DIS3L2: variants seen among roughly 807,000 people sequenced by gnomAD.
DIS3L2 encodes DIS3-like exonuclease 2.
A neutral mutation model predicts 97.5 loss-of-function variants in DIS3L2; 34 were observed. The ratio of observed to expected loss-of-function variants is 0.35; its 90% CI spans 0.27 to 0.46. The LOEUF (loss-of-function observed/expected upper bound fraction) is 0.46, where lower values mean the gene tolerates loss of function less well. Among genes scored for constraint, DIS3L2 ranks in the 20% least tolerant of loss-of-function variants. The pLI, the probability that DIS3L2 is intolerant of heterozygous loss-of-function variation, is 1.00. For synonymous variants in DIS3L2, 435 were observed against 445.2 expected (o/e 0.98, Z 0.29); for missense variants, 1,038 against 1,146.0 (o/e 0.91, Z 1.36).
chr2:232,220,204 G>A (rs1692454929), intron 10 of DIS3L2, among the ~76,000 whole-genome samples: 1 of 152,124 alleles, frequency 6.6e-6, no homozygotes, highest in Admixed American at 6.6e-5. Flanking sequence ...AGCCACGTGG[G>A]AGGCTGAGGT....
At chr2:232,226,634 C>A (rs1692656817) in intron 10 of DIS3L2, among the ~76,000 whole-genome samples, 1 of 152,180 alleles carries the variant, frequency 6.6e-6, no homozygotes, top group Admixed American at 6.5e-5. Flanking sequence ...GACAGGACAT[C>A]TTTCCCCTAC....
downstream of DIS3L2, among the ~76,000 whole-genome samples, chr2:232,338,767 C>T (rs1696044268): frequency 6.6e-6 from 1 of 152,248 alleles, no homozygotes; most frequent in Non-Finnish European, 1.5e-5. Flanking sequence ...GATGGCTCTC[C>T]ATGGGTCCAC....
intron 13 of DIS3L2, among the ~76,000 whole-genome samples, chr2:232,263,749 AGGCT>A (rs1290263135): frequency 3.3e-5 from 5 of 152,162 alleles, no homozygotes; most frequent in Non-Finnish European, 2.9e-5. Flanking sequence ...TTCCCTGGTA[AGGCT>A]GTGTCCAGTC....
At chr2:232,321,710 T>C (rs1156618849) in intron 14 of DIS3L2, among the ~76,000 whole-genome samples, 1 of 152,108 alleles carries the variant, frequency 6.6e-6, no homozygotes, top group Non-Finnish European at 1.5e-5. Flanking sequence ...GGGGCAGCCT[T>C]ATCAGGGAGG....
At position 232,263,193 on chromosome 2, in the gene DIS3L2, G is replaced by C. The variant is rs760782170; in HGVS notation, c.1426-14G>C. ...TGTCCTCACAATTCCCTTGTAATCTGTCCATCTTTGCAGATCCTTGATGAA... is the reference window on the plus strand; with the variant it reads ...TGTCCTCACAATTCCCTTGTAATCTCTCCATCTTTGCAGATCCTTGATGAA... On this transcript the variant is annotated splice_polypyrimidine_tract_variant and intron_variant, in intron 12 of 20. Transcript: ENST00000325385. The C allele has an allele frequency of 1.2e-6, 2 of 1,613,200 alleles. No homozygotes were observed. Among genetic ancestry groups the C allele is most frequent in the Non-Finnish European group, 1.7e-6 (2 of 1,179,144 alleles).
chr2:232,012,368 C>A (rs772651100), intron 1 of DIS3L2, among the ~76,000 whole-genome samples: 47 of 152,176 alleles, frequency 3.1e-4, no homozygotes, highest in Non-Finnish European at 5.7e-4. Flanking sequence ...GATACAGATG[C>A]AGCTGATCTA....
intron 9 of DIS3L2, chr2:232,172,832 T>G (rs1326123463): frequency 3.9e-6 from 2 of 515,946 alleles, no homozygotes; most frequent in African/African-American, 1.9e-5. Context: ...TGGGGTAGTA[T>G]CTCATTGTGG....
chr2:232,250,843 A>T (rs1298176848), intron 12 of DIS3L2, among the ~76,000 whole-genome samples: 1 of 152,178 alleles, frequency 6.6e-6, no homozygotes, highest in Non-Finnish European at 1.5e-5. Flanking sequence ...GAGTCGGGAC[A>T]TGGGAAAATC....
chr2:232,339,859 C>G, downstream of DIS3L2: 1 of 382,180 alleles, frequency 2.6e-6, no homozygotes, highest in Non-Finnish European at 5.4e-6. Context: ...CAGAATGGAC[C>G]AGGAGGTCCC....
intron 11 of DIS3L2, among the ~76,000 whole-genome samples, chr2:232,247,644 A>AGGGGGGGGG (rs371616089): frequency 1.1e-4 from 1 of 8,720 alleles, no homozygotes; most frequent in Non-Finnish European, 2.5e-4. Context: ...GGCGGGGGGG[A>AGGGGGGGGG]GGGTGCCAAT....
intron 1 of DIS3L2, among the ~76,000 whole-genome samples, chr2:231,986,018 T>C (rs3100614): frequency 0.8 from 122,297 of 152,156 alleles, 49,936 homozygotes; most frequent in African/African-American, 0.94. Flanking sequence ...TTTTATTTTT[T>C]GCCCATGCTG....
chr2:232,335,916 C>A (rs1478085783), intron 20 of DIS3L2, 42 bp downstream of exon 20: 1 of 1,548,710 alleles, frequency 6.5e-7, no homozygotes, highest in South Asian at 1.2e-5. Flanking sequence ...GTCCTGATGA[C>A]CCCTCTCCTG....
chr2:232,338,358 A>C (rs1049541261), downstream of DIS3L2, among the ~76,000 whole-genome samples: 6 of 152,188 alleles, frequency 3.9e-5, no homozygotes, highest in African/African-American at 1.4e-4. Context: ...AGTGAGGAGT[A>C]GCCAGGGGGG....
chr2:232,334,409 G>A lies in DIS3L2; in HGVS notation c.2199G>A (p.Gln733=), dbSNP rs1463349893. ...TAGACATGGCGCCCGATACCCTGCA[G>A]AAACAGGCGGACCACTGTAACGACC... ...ERLDMAPDTL[Q]KQADHCNDRR... is the part of the protein sequence containing the mutation. Residue 733 remains glutamine (Q), a synonymous_variant, in exon 18 of 21, where the codon CAG becomes CAA. Transcript: ENST00000325385. The A allele has an allele frequency of 6.2e-7, 1 of 1,613,666 alleles. No homozygotes were observed. The highest frequency in any genetic ancestry group is 1.3e-5 in the African/African-American group (1 of 74,932).
chr2:232,047,847 T>G (rs1695284725), intron 5 of DIS3L2, among the ~76,000 whole-genome samples: 1 of 152,244 alleles, frequency 6.6e-6, no homozygotes, highest in Admixed American at 6.5e-5. Flanking sequence ...TTTGTGTTCC[T>G]TCACTTAGCA....
At chr2:232,016,417 G>A (rs1194241260) in intron 3 of DIS3L2, among the ~76,000 whole-genome samples, 1 of 152,130 alleles carries the variant, frequency 6.6e-6, no homozygotes, top group Non-Finnish European at 1.5e-5. Context: ...GGATAAAATG[G>A]CAAGTGCTCA....
intron 8 of DIS3L2, among the ~76,000 whole-genome samples, chr2:232,137,013 T>C (rs374599668): frequency 2.0e-5 from 3 of 152,208 alleles, no homozygotes; most frequent in African/African-American, 7.2e-5. Context: ...TGTACTTGTG[T>C]ACCACAGATA....
chr2:232,091,778 G>T (rs1002007235), intron 6 of DIS3L2, among the ~76,000 whole-genome samples: 2 of 152,022 alleles, frequency 1.3e-5, no homozygotes, highest in African/African-American at 4.8e-5. Context: ...AGTGTATGAG[G>T]GTTCCCTTTT....
rs532540754 is a variant in DIS3L2, at chr2:232,253,740, T to TA, written c.1425+4402dup. Among the ~76,000 whole-genome samples, 12 of 151,920 alleles carry TA rather than the reference T, an allele frequency of 7.9e-5. No individual in the cohort carries two copies. The East Asian group carries it at 2.3e-3, about 29-fold the overall frequency. On this transcript the variant is annotated intron_variant, in intron 12 of 20. Transcript: ENST00000325385. ...TAGTGAAAAGTTTGCAAATAATGCC[T>TA]AAAAAAAATCAGGAAGTAGCAGACA...
Sources: allele counts gnomAD v4.1 joint callset (sites outside exome capture counted in the v4.1 genomes callset), GRCh38; gene constraint gnomAD v4.1.1; transcripts MANE v1.5; gene names NCBI Gene and HGNC (gene_info 2026-07-23, HGNC 2026-07-21).